Variants in EXOC4 observed in about 807,000 individuals in gnomAD.
EXOC4 encodes SEC8-like 1.
EXOC4 carries 71 observed loss-of-function variants against 107.2 expected under a neutral mutation model. The observed-to-expected ratio is 0.66, with a 90% confidence interval of 0.55 to 0.81. The LOEUF is 0.81. Ranked by LOEUF, EXOC4 falls within the 30% of genes least tolerant of loss-of-function variation. EXOC4 has a pLI of 0.00. For synonymous variants in EXOC4, 456 were observed against 441.2 expected (o/e 1.03, Z -0.42); for missense variants, 1,108 against 1,189.6 (o/e 0.93, Z 1.01).
intron 10 of EXOC4, among the ~76,000 whole-genome samples, chr7:133,755,282 T>TAA (rs1301777135): frequency 9.5e-6 from 1 of 104,786 alleles, no homozygotes; most frequent in African/African-American, 4.0e-5. Context: ...ATTATATATA[T>TAA]TATATACATA....
At chr7:134,005,230 CT>C in intron 16 of EXOC4, 140 bp downstream of exon 16, 1 of 799,380 alleles carries the variant, frequency 1.3e-6, no homozygotes, top group Non-Finnish European at 2.0e-6. Flanking sequence ...TCTGCAATAC[CT>C]AGCCTCTTTG....
At chr7:133,807,809 T>TA (rs1201700036) in intron 10 of EXOC4, among the ~76,000 whole-genome samples, 2 of 152,188 alleles carry the variant, frequency 1.3e-5, no homozygotes, top group African/African-American at 2.4e-5. Flanking sequence ...ATTATATGCT[T>TA]AAAAAATTTA....
intron 9 of EXOC4, among the ~76,000 whole-genome samples, chr7:133,521,871 G>C (rs572507037): frequency 6.6e-6 from 1 of 152,004 alleles, no homozygotes; most frequent in East Asian, 1.9e-4. Context: ...CGCCTGCCTC[G>C]GTCTCCCAAA....
intron 17 of EXOC4, among the ~76,000 whole-genome samples, chr7:134,026,825 CAG>C (rs1795146916): frequency 4.8e-3 from 1 of 210 alleles, no homozygotes; most frequent in Admixed American, 0.05. Flanking sequence ...ATTTTATAGG[CAG>C]AGCAACGTTG....
chr7:133,412,020 T>C (rs1797367927), intron 7 of EXOC4, among the ~76,000 whole-genome samples: 1 of 152,118 alleles, frequency 6.6e-6, no homozygotes, highest in African/African-American at 2.4e-5. Context: ...CAAGTTTTTG[T>C]TTCTCTCTAA....
At chr7:133,326,023 A>C (rs1009170236) in intron 5 of EXOC4, among the ~76,000 whole-genome samples, 12 of 152,174 alleles carry the variant, frequency 7.9e-5, no homozygotes, top group African/African-American at 2.9e-4. Context: ...AAGCTTGTGC[A>C]TTCGTCACGT....
chr7:133,260,254 T>G (rs961277025), intron 1 of EXOC4, among the ~76,000 whole-genome samples: 1 of 151,400 alleles, frequency 6.6e-6, no homozygotes, highest in Non-Finnish European at 1.5e-5. Flanking sequence ...GAAGACATAG[T>G]GTAAGCCCTT....
chr7:133,671,625 G>A (rs1562900982), intron 10 of EXOC4, among the ~76,000 whole-genome samples: 2 of 152,254 alleles, frequency 1.3e-5, no homozygotes, highest in East Asian at 1.9e-4. Flanking sequence ...AGAATGTGCT[G>A]TAGGGGAGTA....
chr7:133,991,080 C>G (rs998607497), intron 14 of EXOC4, among the ~76,000 whole-genome samples: 4 of 152,122 alleles, frequency 2.6e-5, no homozygotes, highest in African/African-American at 9.7e-5. Context: ...ACATCCTCAC[C>G]AGCATTTGTC....
chr7:133,385,358 C>T (rs138594522), intron 7 of EXOC4, among the ~76,000 whole-genome samples: 1 of 152,320 alleles, frequency 6.6e-6, no homozygotes, highest in Non-Finnish European at 1.5e-5. Flanking sequence ...CAGTCAGACA[C>T]TGGCATGAAG....
intron 10 of EXOC4, among the ~76,000 whole-genome samples, chr7:133,668,312 T>G (rs970372577): frequency 6.6e-6 from 1 of 152,226 alleles, no homozygotes. Context: ...TGGTCATCTT[T>G]CGGTCGTGTT....
At chr7:133,720,734 T>A (rs946871118) in intron 10 of EXOC4, among the ~76,000 whole-genome samples, 3 of 152,184 alleles carry the variant, frequency 2.0e-5, no homozygotes, top group African/African-American at 7.2e-5. Context: ...CAAACAATAA[T>A]ATTTCCATGG....
chr7:133,412,914 CTG>C (rs1003731796), intron 7 of EXOC4, among the ~76,000 whole-genome samples: 4 of 151,992 alleles, frequency 2.6e-5, no homozygotes, highest in African/African-American at 7.2e-5. Flanking sequence ...CGGAAGGACT[CTG>C]TATCTTTCTT....
chr7:133,364,534 A>G (rs1398556398), intron 6 of EXOC4, among the ~76,000 whole-genome samples: 2 of 152,190 alleles, frequency 1.3e-5, no homozygotes, highest in South Asian at 2.1e-4. Context: ...CAGTGGGTCT[A>G]TGGACCCACA....
At chr7:133,366,305 G>C (rs1203567152) in intron 6 of EXOC4, among the ~76,000 whole-genome samples, 1 of 152,100 alleles carries the variant, frequency 6.6e-6, no homozygotes, top group African/African-American at 2.4e-5. Context: ...TTGAAGATGA[G>C]ATACCTAGGG....
intron 3 of EXOC4, among the ~76,000 whole-genome samples, chr7:133,291,994 T>C (rs1794417324): frequency 6.6e-6 from 1 of 152,190 alleles, no homozygotes; most frequent in South Asian, 2.1e-4. Context: ...TTAACTCCTG[T>C]AACTTTATAA....
At chr7:133,540,469 A>G (rs1800359027) in intron 9 of EXOC4, among the ~76,000 whole-genome samples, 1 of 152,230 alleles carries the variant, frequency 6.6e-6, no homozygotes, top group Admixed American at 6.5e-5. Flanking sequence ...GAAAACTATT[A>G]AAAGAACACT....
chr7:133,833,594 A>G (rs917825130), intron 11 of EXOC4, among the ~76,000 whole-genome samples: 2 of 151,996 alleles, frequency 1.3e-5, no homozygotes, highest in Non-Finnish European at 2.9e-5. Flanking sequence ...ACAGGGTCTC[A>G]CTCTGTCACC....
intron 10 of EXOC4, among the ~76,000 whole-genome samples, chr7:133,632,792 G>A (rs1802620687): frequency 6.6e-6 from 1 of 151,524 alleles, no homozygotes; most frequent in Non-Finnish European, 1.5e-5. Context: ...TTATTTTTAT[G>A]AGACTATGTA....
Sources: gnomAD v4.1 joint callset for allele counts (sites outside exome capture counted in the v4.1 genomes callset) on GRCh38, gnomAD v4.1.1 for gene constraint, MANE v1.5 for transcripts, NCBI Gene and HGNC (gene_info 2026-07-23, HGNC 2026-07-21) for gene names.